Variants in PKN2 observed in about 807,000 individuals in gnomAD.
PKN2 encodes the protein serine/threonine-protein kinase N2.
In PKN2, 38 loss-of-function variants were observed where a neutral mutation model predicts 119.1. That is an observed-to-expected ratio of 0.32 (90% confidence interval 0.25 to 0.42). PKN2 has a LOEUF of 0.42. PKN2 is among the 10% of genes least tolerant of loss of function. The pLI is 1.00. For synonymous variants in PKN2, 390 were observed against 384.9 expected, an observed-to-expected ratio of 1.01 and a Z score of -0.15; for missense variants, 850 against 1,165.1, an observed-to-expected ratio of 0.73 and a Z score of 3.94.
At position 88,754,266 on chromosome 1, in the gene PKN2, C is replaced by T. The variant is rs1277263635; in HGVS notation, c.350-5956C>T. Among the ~76,000 whole-genome samples, 9 of 150,394 alleles carry T rather than the reference C, an allele frequency of 6.0e-5. No homozygotes were observed. In the East Asian group the frequency reaches 1.2e-3, roughly 19 times the overall value. ...TGTGTCTTTTTATGTCGCATTTTTC[C>T]TCTCTTTCTCTTTTTAAAAAACTTA... On this transcript the variant is annotated intron_variant, in intron 2 of 21. Coordinates refer to ENST00000370521, the MANE Select transcript of PKN2 (RefSeq NM_006256.4).
At chr1:88,820,981 T>C (rs1245798346) in intron 16 of PKN2, among the ~76,000 whole-genome samples, 1 of 152,190 alleles carries the variant, frequency 6.6e-6, no homozygotes, top group African/African-American at 2.4e-5. Flanking sequence ...TCAAGAATTA[T>C]TCTCTCTCGA....
intron 1 of PKN2, among the ~76,000 whole-genome samples, chr1:88,686,792 C>T (rs748877479): frequency 6.6e-6 from 1 of 152,064 alleles, no homozygotes; most frequent in African/African-American, 2.4e-5. Flanking sequence ...ACTTAGTGTA[C>T]AGCAACCAAG....
intron 8 of PKN2, among the ~76,000 whole-genome samples, chr1:88,791,996 G>A (rs899846648): frequency 2.0e-5 from 3 of 152,138 alleles, no homozygotes; most frequent in African/African-American, 7.2e-5. Flanking sequence ...GTTATAAACT[G>A]TCTGACACTG....
At chr1:88,805,156 C>G (rs1444103112) in intron 10 of PKN2, among the ~76,000 whole-genome samples, 1 of 151,938 alleles carries the variant, frequency 6.6e-6, no homozygotes, top group Non-Finnish European at 1.5e-5. Flanking sequence ...TATCCATATG[C>G]CATCCTCTCA....
At chr1:88,771,622 T>C in intron 5 of PKN2, 41 bp from the exon 6 acceptor site, 2 of 1,589,128 alleles carry the variant, frequency 1.3e-6, no homozygotes, top group Non-Finnish European at 1.7e-6. Context: ...TCAAAGTATG[T>C]GATTATTTAA....
At chr1:88,729,917 C>T (rs1161802270) in intron 1 of PKN2, among the ~76,000 whole-genome samples, 1 of 151,998 alleles carries the variant, frequency 6.6e-6, no homozygotes, top group Non-Finnish European at 1.5e-5. Flanking sequence ...AAACCAAAGT[C>T]TTCTTTGGGA....
chr1:88,812,278 G>A (rs11809454), intron 15 of PKN2, among the ~76,000 whole-genome samples: 10,157 of 152,140 alleles, frequency 0.067, 692 homozygotes, highest in African/African-American at 0.18. Flanking sequence ...GATAATTCCT[G>A]TGAATGGCAT....
At chr1:88,810,244 C>G (rs923408045) in intron 15 of PKN2, among the ~76,000 whole-genome samples, 1 of 151,836 alleles carries the variant, frequency 6.6e-6, no homozygotes, top group Admixed American at 6.6e-5. Flanking sequence ...CCTCAGCCTC[C>G]CTAGTAGCTG....
At chr1:88,710,319 T>A (rs1051145013) in intron 1 of PKN2, among the ~76,000 whole-genome samples, 5 of 152,086 alleles carry the variant, frequency 3.3e-5, no homozygotes, top group Admixed American at 2.0e-4. Context: ...AAGAGAAAAA[T>A]TTTCCAGGCC....
intron 2 of PKN2, among the ~76,000 whole-genome samples, chr1:88,758,038 CAAAAAAAAAAAA>C (rs33914457): frequency 1.9e-4 from 11 of 59,070 alleles, no homozygotes; most frequent in South Asian, 6.7e-4. Flanking sequence ...GAGACTATCT[CAAAAAAAAAAAA>C]AAAAAAAAAA....
At chr1:88,739,871 C>G (rs968038246) in intron 1 of PKN2, among the ~76,000 whole-genome samples, 1 of 152,054 alleles carries the variant, frequency 6.6e-6, no homozygotes, top group Non-Finnish European at 1.5e-5. Context: ...TAGAGGTGTT[C>G]TCAAGTAATG....
At chr1:88,714,549 G>A (rs1237362454) in intron 1 of PKN2, among the ~76,000 whole-genome samples, 1 of 152,070 alleles carries the variant, frequency 6.6e-6, no homozygotes, top group East Asian at 1.9e-4. Flanking sequence ...AAGCAATTGT[G>A]AATGGGAGTG....
chr1:88,750,657 C>G (rs1253481169), intron 2 of PKN2, among the ~76,000 whole-genome samples: 1 of 152,110 alleles, frequency 6.6e-6, no homozygotes, highest in East Asian at 1.9e-4. Context: ...TTGGCTTTGC[C>G]TCTTATCATG....
At chr1:88,716,929 G>C (rs1667479806) in intron 1 of PKN2, among the ~76,000 whole-genome samples, 1 of 152,168 alleles carries the variant, frequency 6.6e-6, no homozygotes, top group Admixed American at 6.5e-5. Context: ...GCAGTGGCTG[G>C]TACCAGTTGT....
chr1:88,751,186 G>A (rs1407428399), intron 2 of PKN2, among the ~76,000 whole-genome samples: 1 of 151,634 alleles, frequency 6.6e-6, no homozygotes, highest in Non-Finnish European at 1.5e-5. Flanking sequence ...CTATACTTAG[G>A]CACGTGTGTG....
In PKN2 at chr1:88,833,372, C is replaced by G. The variant is rs770800677; in HGVS notation, c.2879C>G (p.Pro960Arg). ...FTSEAPILTP[P>R]REPRILSEEE... ...TCAGAAGCACCTATTCTGACTCCAC[C>G]TCGAGAACCAAGGATACTTTCGGAA... The change falls in exon 22 of 22, where the codon CCT becomes CGT. Residue 960 changes from proline to arginine, a missense_variant. Around this residue, in one of 9 missense-constraint regions of PKN2, gnomAD observed 52 missense variants for 39.9 expected, o/e 1.30. Transcript: ENST00000370521. 1.2e-6 allele frequency: 2 copies of G among 1,613,410 alleles called. No individual in the cohort carries two copies. Among genetic ancestry groups the G allele is most frequent in the Non-Finnish European group, 8.5e-7 (1 of 1,179,500 alleles).
rs560277764 is a variant in PKN2, at chr1:88,785,544, G to C, written c.1172-560G>C. Among the ~76,000 whole-genome samples, 3 of 152,292 alleles carry C rather than the reference G, an allele frequency of 2.0e-5. No individual in the cohort carries two copies. In the South Asian group the frequency reaches 6.2e-4, roughly 32 times the overall value. On this transcript the variant is annotated intron_variant, in intron 7 of 21. Transcript: ENST00000370521. ...TGGTAGTCCACTGAGATGGGGGATGGTAGGGGTTGGTTTGAGGAGAGTAAA... is the reference window on the plus strand; with the variant it reads ...TGGTAGTCCACTGAGATGGGGGATGCTAGGGGTTGGTTTGAGGAGAGTAAA...
chr1:88,813,558 C>A lies in PKN2; in HGVS notation c.2104C>A (p.Leu702Met). 6.4e-7 allele frequency: 1 copy of A among 1,566,970 alleles called. No individual in the cohort carries two copies. Among genetic ancestry groups the A allele is most frequent in the South Asian group, 1.2e-5 (1 of 85,158 alleles). ...ATTTTAAAATATTTTCTTTTACAGCCTGATGTGTGAAAAAAGAATTTTTGA... is the reference window on the plus strand; with the variant it reads ...ATTTTAAAATATTTTCTTTTACAGCATGATGTGTGAAAAAAGAATTTTTGA... Reference protein sequence around the residue: ...DIVARDEVDSLMCEKRIFETV... With the variant: ...DIVARDEVDSMMCEKRIFETV... The change falls in exon 16 of 22, where the codon CTG (leucine) becomes ATG (methionine). Residue 702 changes from leucine (L) to methionine (M), a missense_variant and splice_region_variant. Leu to Met is a conservative substitution (Grantham distance 15). This residue lies in a region of PKN2 where 216 missense variants were observed against 252.8 expected (regional missense o/e 0.85). Transcript: ENST00000370521.
At chr1:88,733,957 C>G (rs1384841631) in intron 1 of PKN2, among the ~76,000 whole-genome samples, 1 of 152,070 alleles carries the variant, frequency 6.6e-6, no homozygotes, top group Admixed American at 6.5e-5. Context: ...GCCATCAGTT[C>G]AAGACCAGCC....
Sources: allele counts gnomAD v4.1 joint callset (sites outside exome capture counted in the v4.1 genomes callset), GRCh38; gene constraint gnomAD v4.1.1; regional missense constraint gnomAD v4.1.1; transcripts MANE v1.5; gene names NCBI Gene and HGNC (gene_info 2026-07-23, HGNC 2026-07-21).